The following ENTREP2 variants were observed in gnomAD, a reference collection of about 807,000 sequenced individuals.
ENTREP2 encodes the protein endosomal transmembrane epsin interactor 2.
chr15:29,337,696 G>A, the ENTREP2 span, among the ~76,000 whole-genome samples: 8 of 152,158 alleles, frequency 5.3e-5, no homozygotes, highest in South Asian at 1.7e-3. Flanking sequence ...GTTTGGCAAT[G>A]CTGAGAGCTT....
the ENTREP2 span, among the ~76,000 whole-genome samples, chr15:29,300,512 G>T: frequency 6.6e-6 from 1 of 152,158 alleles, no homozygotes. Context: ...AATATATGTT[G>T]CTATTAGGAA....
chr15:29,430,854 G>C, the ENTREP2 span, among the ~76,000 whole-genome samples: 1 of 152,150 alleles, frequency 6.6e-6, no homozygotes, highest in Admixed American at 6.5e-5. Flanking sequence ...CATAAGGAGA[G>C]AGAGGCAGTG....
the ENTREP2 span, among the ~76,000 whole-genome samples, chr15:29,656,000 G>A: frequency 5.6e-3 from 823 of 147,966 alleles, 15 homozygotes; most frequent in African/African-American, 0.019. Flanking sequence ...CTCCAGCCCG[G>A]GTGACAAAGC....
At chr15:29,156,456 G>A in the ENTREP2 span, among the ~76,000 whole-genome samples, 1 of 152,128 alleles carries the variant, frequency 6.6e-6, no homozygotes, top group Admixed American at 6.6e-5. Context: ...CCAAAGTGCT[G>A]GGATTACAAG....
At chr15:29,453,928 A>G in the ENTREP2 span, among the ~76,000 whole-genome samples, 2 of 152,224 alleles carry the variant, frequency 1.3e-5, no homozygotes, top group Non-Finnish European at 2.9e-5. Flanking sequence ...TTCAACTATG[A>G]TAAGTAAAGC....
At chr15:29,419,907 C>T in the ENTREP2 span, among the ~76,000 whole-genome samples, 1 of 152,002 alleles carries the variant, frequency 6.6e-6, no homozygotes, top group African/African-American at 2.4e-5. Context: ...AGCAAACTTA[C>T]ACTAAAGAAA....
At chr15:29,486,828 G>GA in the ENTREP2 span, among the ~76,000 whole-genome samples, 3 of 151,946 alleles carry the variant, frequency 2.0e-5, no homozygotes, top group African/African-American at 7.3e-5. Context: ...TGTGATGGCT[G>GA]AAAAAAAATG....
the ENTREP2 span, among the ~76,000 whole-genome samples, chr15:29,406,821 G>A: frequency 6.6e-5 from 10 of 152,026 alleles, no homozygotes; most frequent in South Asian, 1.5e-3. Flanking sequence ...GCACACACTC[G>A]CTCTCCCTCT....
At chr15:29,147,497 G>T in the ENTREP2 span, among the ~76,000 whole-genome samples, 1 of 151,256 alleles carries the variant, frequency 6.6e-6, no homozygotes, top group South Asian at 2.1e-4. Flanking sequence ...TGGATGTGAA[G>T]AAACTGGAAC....
At chr15:29,518,296 C>T in the ENTREP2 span, among the ~76,000 whole-genome samples, 6 of 152,220 alleles carry the variant, frequency 3.9e-5, no homozygotes, top group African/African-American at 1.2e-4. Context: ...CCATGCCGTA[C>T]GTTAGATCTT....
At chr15:29,384,311 T>C in the ENTREP2 span, among the ~76,000 whole-genome samples, 7 of 152,096 alleles carry the variant, frequency 4.6e-5, no homozygotes, top group Admixed American at 2.6e-4. Context: ...TCATGGTATA[T>C]AGTTCAGGGG....
chr15:29,217,914 CAG>C, the ENTREP2 span, among the ~76,000 whole-genome samples: 1 of 152,098 alleles, frequency 6.6e-6, no homozygotes, highest in East Asian at 1.9e-4. Context: ...GGCTGTTGTT[CAG>C]ATTCTTTTTT....
the ENTREP2 span, among the ~76,000 whole-genome samples, chr15:29,616,634 T>C: frequency 1.3e-5 from 2 of 152,212 alleles, no homozygotes; most frequent in South Asian, 4.1e-4. Flanking sequence ...GCTTTAAGTA[T>C]AACAAAAAGG....
chr15:29,270,346 G>GGA, the ENTREP2 span, among the ~76,000 whole-genome samples: 1 of 152,180 alleles, frequency 6.6e-6, no homozygotes, highest in Non-Finnish European at 1.5e-5. Context: ...TGCGCAAGCA[G>GGA]GACTTCAGTT....
At chr15:29,403,705 G>A in the ENTREP2 span, among the ~76,000 whole-genome samples, 2 of 152,284 alleles carry the variant, frequency 1.3e-5, no homozygotes, top group Non-Finnish European at 2.9e-5. Flanking sequence ...GTTCCCTAGA[G>A]GTGCCTCTGC....
At chr15:29,632,478 G>C in the ENTREP2 span, among the ~76,000 whole-genome samples, 4 of 152,082 alleles carry the variant, frequency 2.6e-5, no homozygotes, top group African/African-American at 9.7e-5. Context: ...TTACTAAAAT[G>C]ATAAAGAATC....
chr15:29,463,142 C>A, the ENTREP2 span, among the ~76,000 whole-genome samples: 1 of 152,094 alleles, frequency 6.6e-6, no homozygotes, highest in African/African-American at 2.4e-5. Context: ...GGCTGATTCC[C>A]CTGCAGAACT....
the ENTREP2 span, chr15:29,123,327 A>T: frequency 2.5e-3 from 3,817 of 1,501,938 alleles, 6 homozygotes; most frequent in Non-Finnish European, 3.1e-3. Context: ...CACGGTCAGA[A>T]ATGTGGCTCC....
the ENTREP2 span, among the ~76,000 whole-genome samples, chr15:29,365,423 T>C: frequency 4.6e-5 from 7 of 151,976 alleles, no homozygotes; most frequent in African/African-American, 1.7e-4. Flanking sequence ...CAGCTAATTT[T>C]TGTATTTTTA....
Sources: gnomAD v4.1 joint callset for allele counts (sites outside exome capture counted in the v4.1 genomes callset) on GRCh38, gnomAD v4.1.1 for gene constraint, MANE v1.5 for transcripts, NCBI Gene and HGNC (gene_info 2026-07-23, HGNC 2026-07-21) for gene names.